FHIT: variants seen among roughly 807,000 people sequenced by gnomAD.
FHIT encodes the protein bis(5'-adenosyl)-triphosphatase.
In FHIT, 19 loss-of-function variants were observed where a neutral mutation model predicts 17.9. The ratio of observed to expected loss-of-function variants is 1.06; its 90% CI spans 0.74 to 1.56. The LOEUF (loss-of-function observed/expected upper bound fraction) is 1.56, where lower values mean the gene tolerates loss of function less well. FHIT is among the 40% of genes most tolerant of loss of function. FHIT has a pLI of 0.00. For missense variants in FHIT, 248 were observed against 189.2 expected (o/e 1.31, Z -1.82); for synonymous variants, 81 against 69.7 (o/e 1.16, Z -0.81).
chr3:60,188,207 CTTTT>C (rs1210975877), intron 5 of FHIT, among the ~76,000 whole-genome samples: 1 of 125,574 alleles, frequency 8.0e-6, no homozygotes, highest in Non-Finnish European at 1.6e-5. Flanking sequence ...CAGTTTCTTT[CTTTT>C]TTTTTTTTTT....
intron 4 of FHIT, among the ~76,000 whole-genome samples, chr3:60,745,933 CAT>C (rs1213535413): frequency 6.6e-5 from 10 of 152,160 alleles, no homozygotes; most frequent in Non-Finnish European, 1.5e-4. Flanking sequence ...ACAAATTCTG[CAT>C]AAGACTCCAC....
At chr3:60,321,027 T>A (rs1036365406) in intron 5 of FHIT, among the ~76,000 whole-genome samples, 1 of 152,056 alleles carries the variant, frequency 6.6e-6, no homozygotes, top group African/African-American at 2.4e-5. Flanking sequence ...CAGTAAAAGG[T>A]CTTTGAACCT....
intron 5 of FHIT, among the ~76,000 whole-genome samples, chr3:60,532,928 GCA>G (rs2035839947): frequency 6.6e-6 from 1 of 151,898 alleles, no homozygotes; most frequent in South Asian, 2.1e-4. Flanking sequence ...CTCATGAATG[GCA>G]CACTCCCCAA....
intron 5 of FHIT, among the ~76,000 whole-genome samples, chr3:60,400,650 C>A (rs1471465296): frequency 6.6e-6 from 1 of 152,062 alleles, no homozygotes; most frequent in African/African-American, 2.4e-5. Context: ...AAGAGCACAA[C>A]AGAAACTCAC....
chr3:60,818,910 T>C (rs1005325587), intron 4 of FHIT, among the ~76,000 whole-genome samples: 5 of 152,168 alleles, frequency 3.3e-5, no homozygotes, highest in African/African-American at 1.2e-4. Context: ...AGTTGTAAAA[T>C]GGGAAACTCA....
chr3:60,401,021 C>T (rs967781054), intron 5 of FHIT, among the ~76,000 whole-genome samples: 3 of 152,118 alleles, frequency 2.0e-5, no homozygotes, highest in African/African-American at 7.2e-5. Context: ...AACAGACCTA[C>T]CACCTAGATC....
At chr3:60,901,731 T>C (rs1470248820) in intron 3 of FHIT, among the ~76,000 whole-genome samples, 1 of 152,186 alleles carries the variant, frequency 6.6e-6, no homozygotes, top group Non-Finnish European at 1.5e-5. Flanking sequence ...ACTTTTTTTT[T>C]CTAGAGAAAG....
chr3:60,391,177 G>A (rs1257928185), intron 5 of FHIT, among the ~76,000 whole-genome samples: 19 of 145,522 alleles, frequency 1.3e-4, no homozygotes, highest in African/African-American at 3.8e-4. Context: ...GACAGAGTGA[G>A]ACCGTCTGAC....
chr3:59,977,249 G>A (rs1355132025), intron 7 of FHIT, among the ~76,000 whole-genome samples: 1 of 152,090 alleles, frequency 6.6e-6, no homozygotes, highest in Non-Finnish European at 1.5e-5. Flanking sequence ...TTAGCCACTA[G>A]GCAAGTCCCC....
chr3:60,495,394 T>G (rs1245528242), intron 5 of FHIT, among the ~76,000 whole-genome samples: 2 of 151,704 alleles, frequency 1.3e-5, no homozygotes, highest in African/African-American at 4.8e-5. Flanking sequence ...TTTTCTATTT[T>G]TCTTTTCCCA....
At chr3:60,456,038 G>A (rs919285133) in intron 5 of FHIT, among the ~76,000 whole-genome samples, 5 of 152,018 alleles carry the variant, frequency 3.3e-5, no homozygotes, top group Non-Finnish European at 7.4e-5. Flanking sequence ...GCCAATCCAC[G>A]TTCATGAAGA....
chr3:60,728,179 G>T (rs2041956334), intron 4 of FHIT, among the ~76,000 whole-genome samples: 1 of 152,152 alleles, frequency 6.6e-6, no homozygotes, highest in African/African-American at 2.4e-5. Context: ...TATCAACTAT[G>T]TCACATTTCT....
chr3:60,196,553 C>A (rs1164430711), intron 5 of FHIT, among the ~76,000 whole-genome samples: 1 of 152,094 alleles, frequency 6.6e-6, no homozygotes, highest in Non-Finnish European at 1.5e-5. Context: ...TGTAAGGTAA[C>A]ATTCACAGGT....
chr3:61,204,706 T>C (rs2039152718), intron 1 of FHIT, among the ~76,000 whole-genome samples: 2 of 152,140 alleles, frequency 1.3e-5, no homozygotes, highest in Admixed American at 6.6e-5. Context: ...AAAAGAAAAG[T>C]GTGGATAAGT....
At chr3:60,860,287 A>C (rs1575606675) in intron 3 of FHIT, among the ~76,000 whole-genome samples, 1 of 149,040 alleles carries the variant, frequency 6.7e-6, no homozygotes, top group Non-Finnish European at 1.5e-5. Context: ...CATCATATGT[A>C]TACATGAGAT....
At chr3:60,200,330 A>C (rs1377323389) in intron 5 of FHIT, among the ~76,000 whole-genome samples, 2 of 152,136 alleles carry the variant, frequency 1.3e-5, no homozygotes, top group African/African-American at 4.8e-5. Context: ...TAATGAGCTA[A>C]ATGAATTCTA....
At chr3:61,084,141 A>C (rs2365054) in intron 2 of FHIT, among the ~76,000 whole-genome samples, 130,825 of 152,212 alleles carry the variant, frequency 0.86, 57,041 homozygotes, top group African/African-American at 0.97. Context: ...TGATACCCAA[A>C]TGATTCAGCA....
At chr3:59,816,975 G>C (rs1018979500) in intron 8 of FHIT, among the ~76,000 whole-genome samples, 1 of 152,106 alleles carries the variant, frequency 6.6e-6, no homozygotes, top group African/African-American at 2.4e-5. Context: ...GTATAAACTC[G>C]TGGGACCTAA....
chr3:60,201,986 G>C (rs1702933061), intron 5 of FHIT, among the ~76,000 whole-genome samples: 1 of 152,132 alleles, frequency 6.6e-6, no homozygotes, highest in African/African-American at 2.4e-5. Context: ...TCCCAGGATT[G>C]CCCACATATG....
Sources: allele counts gnomAD v4.1 joint callset (sites outside exome capture counted in the v4.1 genomes callset), GRCh38; gene constraint gnomAD v4.1.1; transcripts MANE v1.5; gene names NCBI Gene and HGNC (gene_info 2026-07-23, HGNC 2026-07-21).